The following LEKR1 variants were observed in gnomAD, a reference collection of about 807,000 sequenced individuals.
LEKR1 encodes protein LEKR1.
LEKR1 carries 59 observed loss-of-function variants against 72.4 expected under a neutral mutation model. The ratio of observed to expected loss-of-function variants is 0.82; its 90% confidence interval spans 0.66 to 1.01. LEKR1 has a LOEUF of 1.01. Ranked by LOEUF, LEKR1 falls within the 50% of genes least tolerant of loss-of-function variation. The probability of loss-of-function intolerance (pLI) is 0.00; values close to 1 mark genes in which losing one functional copy is unlikely to be tolerated. For missense variants in LEKR1, 728 were observed against 759.2 expected, an observed-to-expected ratio of 0.96 and a Z score of 0.48; for synonymous variants, 257 against 263.2, an observed-to-expected ratio of 0.98 and a Z score of 0.23.
chr3:157,037,846 G>T (rs1322895448), intron 12 of LEKR1, among the ~76,000 whole-genome samples: 1 of 152,122 alleles, frequency 6.6e-6, no homozygotes, highest in Non-Finnish European at 1.5e-5. Flanking sequence ...GCATTCCAGG[G>T]AAAGAACACT....
chr3:157,021,585 T>A (rs1427308626), intron 10 of LEKR1, among the ~76,000 whole-genome samples: 4 of 152,334 alleles, frequency 2.6e-5, no homozygotes, highest in Non-Finnish European at 2.9e-5. Flanking sequence ...TTTTGTCTTG[T>A]TCCACCAAGT....
intron 6 of LEKR1, among the ~76,000 whole-genome samples, chr3:156,968,440 G>A (rs1320561158): frequency 6.6e-6 from 1 of 152,102 alleles, no homozygotes; most frequent in Non-Finnish European, 1.5e-5. Context: ...GATCTACCAA[G>A]CAAATGGAAA....
At chr3:157,005,844 G>A (rs1732382123) in intron 9 of LEKR1, among the ~76,000 whole-genome samples, 1 of 152,046 alleles carries the variant, frequency 6.6e-6, no homozygotes, top group African/African-American at 2.4e-5. Flanking sequence ...TCAGTTACAT[G>A]AACATAAACA....
At chr3:156,859,680 C>T (rs759085434) in intron 3 of LEKR1, among the ~76,000 whole-genome samples, 5 of 152,270 alleles carry the variant, frequency 3.3e-5, no homozygotes, top group Non-Finnish European at 5.9e-5. Flanking sequence ...AGACATTATC[C>T]ACCATTGCAG....
At chr3:156,840,332 G>A (rs1006360014) in intron 2 of LEKR1, among the ~76,000 whole-genome samples, 7 of 152,058 alleles carry the variant, frequency 4.6e-5, no homozygotes, top group Admixed American at 1.3e-4. Flanking sequence ...TAATTAACAC[G>A]CAGTTCTTTA....
chr3:156,867,479 A>G (rs886113176), intron 3 of LEKR1, among the ~76,000 whole-genome samples: 5 of 152,028 alleles, frequency 3.3e-5, no homozygotes, highest in African/African-American at 9.7e-5. Flanking sequence ...CTCTGAGGCC[A>G]TTCCCTTTTC....
chr3:156,837,971 A>G (rs1204766250), intron 2 of LEKR1, among the ~76,000 whole-genome samples: 1 of 152,174 alleles, frequency 6.6e-6, no homozygotes, highest in Non-Finnish European at 1.5e-5. Flanking sequence ...TCATTTTGCA[A>G]GATGTAGCCA....
At chr3:156,936,335 G>A (rs1725696120) in intron 5 of LEKR1, among the ~76,000 whole-genome samples, 1 of 151,758 alleles carries the variant, frequency 6.6e-6, no homozygotes, top group South Asian at 2.1e-4. Flanking sequence ...GGCATTCTAA[G>A]AGCAGGTCTC....
intron 6 of LEKR1, among the ~76,000 whole-genome samples, chr3:156,978,739 A>G (rs1011317317): frequency 1.3e-5 from 2 of 152,118 alleles, no homozygotes; most frequent in Non-Finnish European, 2.9e-5. Context: ...CACGTTCTTT[A>G]CTATGAGCCT....
rs1198530101 is a variant in LEKR1 at position 157,024,741 on chromosome 3, C to T, written c.1204-19C>T. The stretch of plus-strand genomic sequence containing the variant: ...TAAGGTAAAAATAGTTTTACATGTG[C>T]TTTAAATGCCATTTCTAGATTGAAG... On this transcript the variant is annotated intron_variant, in intron 10 of 12. Transcript: ENST00000356539. 35 of 1,584,154 alleles carry T rather than the reference C, an allele frequency of 2.2e-5. No individual in the cohort carries two copies. Among genetic ancestry groups the T allele is most frequent in the Non-Finnish European group, 2.9e-5 (34 of 1,168,494 alleles).
At position 156,964,691 on chromosome 3, in the gene LEKR1, G is replaced by A. The variant is rs188724191; in HGVS notation, c.746-14503G>A. Among the ~76,000 whole-genome samples the A allele has an allele frequency of 3.3e-5, 5 of 152,130 alleles. No individual in the cohort carries two copies. The East Asian group carries it at 7.7e-4, about 24-fold the overall frequency. ...TGTTCAGAAAGAAGAGTCAGTACTC[G>A]GTGGCTGAAGATACACTCCATCTCC... On this transcript the variant is annotated intron_variant, in intron 6 of 12. Coordinates refer to ENST00000356539, the MANE Select transcript of LEKR1 (RefSeq NM_001004316.3).
chr3:157,010,176 C>G (rs1007912394), intron 9 of LEKR1, among the ~76,000 whole-genome samples: 2 of 151,772 alleles, frequency 1.3e-5, no homozygotes, highest in African/African-American at 4.8e-5. Flanking sequence ...TTTTGTTTCA[C>G]TGATATTGTC....
intron 5 of LEKR1, among the ~76,000 whole-genome samples, chr3:156,940,511 G>A (rs1268564365): frequency 1.3e-5 from 2 of 152,098 alleles, no homozygotes; most frequent in African/African-American, 2.4e-5. Context: ...ACCCCAAATC[G>A]GGACACATGT....
intron 6 of LEKR1, among the ~76,000 whole-genome samples, chr3:156,968,965 A>C (rs1728887550): frequency 6.6e-6 from 1 of 152,244 alleles, no homozygotes; most frequent in Non-Finnish European, 1.5e-5. Flanking sequence ...ACTCAGGATT[A>C]AGAAACTCAC....
intron 6 of LEKR1, among the ~76,000 whole-genome samples, chr3:156,955,052 T>A (rs1727500030): frequency 6.6e-6 from 1 of 152,068 alleles, no homozygotes; most frequent in African/African-American, 2.4e-5. Context: ...TTTGTAGTTC[T>A]CCTTGAAAAG....
chr3:156,943,011 T>G (rs1726364796), intron 6 of LEKR1, among the ~76,000 whole-genome samples: 1 of 151,976 alleles, frequency 6.6e-6, no homozygotes, highest in Admixed American at 6.6e-5. Context: ...ATCTGTGCTC[T>G]TCTATGTTTC....
rs373425090 is a variant in LEKR1 at position 157,027,749 on chromosome 3, G to A, written c.1369-354G>A. Among the ~76,000 whole-genome samples the A allele has an allele frequency of 1.3e-4, 20 of 152,206 alleles. No individual in the cohort carries two copies. The East Asian group carries it at 2.5e-3, about 19-fold the overall frequency. ...GGATCGTTTGAGCGCAGGAGGTCAA[G>A]GCTGCTGAGAGCCATGATTACACCA... On this transcript the variant is annotated intron_variant, in intron 11 of 12. Transcript: ENST00000356539.
At chr3:157,020,656 A>G (rs2108030678) in intron 10 of LEKR1, among the ~76,000 whole-genome samples, 1 of 151,142 alleles carries the variant, frequency 6.6e-6, no homozygotes, top group Admixed American at 6.6e-5. Context: ...TATGTGCCAC[A>G]TTTTCTTAAT....
chr3:157,011,079 T>C (rs1232825969), intron 9 of LEKR1, among the ~76,000 whole-genome samples: 1 of 152,128 alleles, frequency 6.6e-6, no homozygotes, highest in East Asian at 1.9e-4. Flanking sequence ...CCACAACTTA[T>C]AACATTTTAT....
Sources: allele counts gnomAD v4.1 joint callset (sites outside exome capture counted in the v4.1 genomes callset), GRCh38; gene constraint gnomAD v4.1.1; transcripts MANE v1.5; gene names NCBI Gene and HGNC (gene_info 2026-07-23, HGNC 2026-07-21).